Variants in CABIN1 observed in about 807,000 individuals in gnomAD.
CABIN1 encodes calcineurin-binding protein cabin-1.
CABIN1 carries 133 observed loss-of-function variants against 227.7 expected under a neutral mutation model. That is an observed-to-expected ratio of 0.58 (90% CI 0.51 to 0.67). The LOEUF (loss-of-function observed/expected upper bound fraction) is 0.67. CABIN1 is among the 30% of genes least tolerant of loss of function. CABIN1 has a pLI of 0.00. For missense variants in CABIN1, 2,408 were observed against 2,852.5 expected (o/e 0.84, Z 3.55); for synonymous variants, 1,086 against 1,155.1 (o/e 0.94, Z 1.21).
At chr22:24,107,166 C>T (rs1396695662) in intron 26 of CABIN1, among the ~76,000 whole-genome samples, 1 of 152,174 alleles carries the variant, frequency 6.6e-6, no homozygotes, top group African/African-American at 2.4e-5. Context: ...TGTACATAGC[C>T]CCTGCCTCTC....
At chr22:24,132,599 G>GT (rs1442028819) in intron 28 of CABIN1, among the ~76,000 whole-genome samples, 1 of 151,964 alleles carries the variant, frequency 6.6e-6, no homozygotes, top group Non-Finnish European at 1.5e-5. Context: ...TTATTTTTTT[G>GT]TTTTTTGAGA....
intron 26 of CABIN1, among the ~76,000 whole-genome samples, chr22:24,101,145 G>A (rs1216712472): frequency 2.0e-5 from 3 of 152,216 alleles, no homozygotes; most frequent in African/African-American, 7.2e-5. Context: ...CCAGCAGTGG[G>A]AGAGGGAGCC....
At chr22:24,172,690 A>G (rs1321285346) in intron 34 of CABIN1, among the ~76,000 whole-genome samples, 1 of 152,192 alleles carries the variant, frequency 6.6e-6, no homozygotes, top group Non-Finnish European at 1.5e-5. Context: ...GCAGACAGCT[A>G]AGCCACAGAT....
chr22:24,083,106 A>G (rs1411716423), intron 19 of CABIN1, 122 bp from the exon 20 acceptor site: 17 of 991,084 alleles, frequency 1.7e-5, no homozygotes, highest in South Asian at 1.3e-4. Context: ...CAGGAGCCCA[A>G]CAGACATAGC....
Position 24,164,448 on chromosome 22 carries a change from G to T in CABIN1, c.4795G>T (p.Ala1599Ser). 6.2e-7 allele frequency: 1 copy of T among 1,605,740 alleles called. No individual in the cohort carries two copies. The change falls in exon 30 of 37, where the codon GCC becomes TCC. Residue 1599 changes from alanine to serine, a missense_variant. Ala to Ser is a moderately conservative substitution (Grantham distance 99). Coordinates refer to ENST00000263119, the MANE Select transcript of CABIN1 (RefSeq NM_012295.4). ...CGAGATTGACCGGCCGGGCAGCTTT[G>T]CCTGGCACATGAACCGCTCCATCGT... ...VDEIDRPGSF[A>S]WHMNRSIVLL... is the part of the protein sequence containing the mutation.
intron 4 of CABIN1, 60 bp downstream of exon 4, chr22:24,038,521 G>A: frequency 8.5e-7 from 1 of 1,171,978 alleles, no homozygotes; most frequent in East Asian, 2.3e-5. Context: ...CTGTGGGGCT[G>A]GGTACTCTGG....
In CABIN1 at chr22:24,059,327, A is replaced by C; in HGVS notation, c.1363A>C (p.Arg455=). The change falls in exon 11 of 37, where the codon AGG becomes CGG. Residue 455 remains arginine, a synonymous_variant. Transcript: ENST00000263119. ...AAGCTTCCCAAGCATTGGGCCTCAA[A>C]GGCTGTCATTTGACTCAGCCACATT... The part of the protein sequence containing the change: ...LESFPSIGPQ[R]LSFDSATFME... 6.2e-7 allele frequency: 1 copy of C among 1,614,220 alleles called. No individual in the cohort carries two copies. The highest frequency in any genetic ancestry group is 8.5e-7 in the Non-Finnish European group (1 of 1,180,026).
chr22:24,011,975 A>G (rs546161851), intron 1 of CABIN1, among the ~76,000 whole-genome samples: 74 of 152,324 alleles, frequency 4.9e-4, no homozygotes, highest in Non-Finnish European at 6.8e-4. Context: ...ATTACAGGTT[A>G]TAAGTGTGGG....
intron 7 of CABIN1, among the ~76,000 whole-genome samples, chr22:24,049,979 A>G (rs1441597120): frequency 6.6e-6 from 1 of 152,004 alleles, no homozygotes; most frequent in Non-Finnish European, 1.5e-5. Flanking sequence ...AGAGCTGCTC[A>G]CTTACAAACT....
intron 29 of CABIN1, among the ~76,000 whole-genome samples, chr22:24,135,026 G>A (rs551536144): frequency 1.3e-5 from 2 of 152,012 alleles, no homozygotes; most frequent in South Asian, 2.1e-4. Flanking sequence ...GCGGTGAGCC[G>A]AGATCATGCC....
chr22:24,147,016 AGCT>A (rs1033131550), intron 29 of CABIN1, among the ~76,000 whole-genome samples: 1 of 152,206 alleles, frequency 6.6e-6, no homozygotes, highest in African/African-American at 2.4e-5. Context: ...TATCAGAAGC[AGCT>A]GCTATTTTTT....
rs1398299524 is a variant in CABIN1 at position 24,070,834 on chromosome 22, G to GT, written c.2271dup (p.Glu758Ter). 6.2e-7 allele frequency: 1 copy of GT among 1,614,106 alleles called. No homozygotes were observed. The highest frequency in any genetic ancestry group is 8.5e-7 in the Non-Finnish European group (1 of 1,180,042). On this transcript the variant is annotated frameshift_variant, in exon 17 of 37. Transcript: ENST00000263119. LOFTEE classifies it high-confidence loss of function. ...CTCCGGCTGAAGGACTATCGGCAGT[G>GT]TTTTGAGTGTTCCGATGTGGCTCTG...
chr22:24,038,604 C>T (rs1289276156), intron 4 of CABIN1, 143 bp downstream of exon 4: 1 of 685,672 alleles, frequency 1.5e-6, no homozygotes, highest in East Asian at 2.8e-5. Context: ...GCCCCTATTT[C>T]CCCACCTCTA....
chr22:24,094,689 C>T (rs927861374), intron 24 of CABIN1, among the ~76,000 whole-genome samples: 11 of 150,996 alleles, frequency 7.3e-5, no homozygotes, highest in South Asian at 2.1e-4. Flanking sequence ...CGGTGGCGGG[C>T]GCCTGTAGTC....
Position 24,049,206 on chromosome 22 carries a change from A to G in CABIN1, c.642A>G (p.Arg214=). Residue 214 remains arginine, a synonymous_variant, in exon 7 of 37, where the codon AGA becomes AGG. Transcript: ENST00000263119. ...EQPCLRKDSL[R]MFLKCDMSIH... ...CTTGTCTCCGGAAGGACTCTCTCAGAATGTTCCTCAAATGGTAAGTCCTGC... is the reference window on the plus strand; with the variant it reads ...CTTGTCTCCGGAAGGACTCTCTCAGGATGTTCCTCAAATGGTAAGTCCTGC... 2 of 1,613,830 alleles carry G rather than the reference A, an allele frequency of 1.2e-6. No individual in the cohort carries two copies. The highest frequency in any genetic ancestry group is 1.7e-6 in the Non-Finnish European group (2 of 1,179,950).
At chr22:24,131,505 C>T (rs531026013) in intron 28 of CABIN1, among the ~76,000 whole-genome samples, 38 of 152,354 alleles carry the variant, frequency 2.5e-4, no homozygotes, top group African/African-American at 8.2e-4. Flanking sequence ...TTAGCACTTA[C>T]TCCCTGCCTC....
At chr22:24,063,238 G>GTGTT (rs772507099) in intron 14 of CABIN1, 92 bp downstream of exon 14, 6 of 410,380 alleles carry the variant, frequency 1.5e-5, no homozygotes, top group African/African-American at 1.3e-4. Context: ...GTGTGTGTAT[G>GTGTT]TGTGTGTGTG....
At chr22:24,011,912 A>G (rs1274955271) in intron 1 of CABIN1, among the ~76,000 whole-genome samples, 1 of 152,214 alleles carries the variant, frequency 6.6e-6, no homozygotes, top group Non-Finnish European at 1.5e-5. Context: ...GGCATTCCCA[A>G]GGTATCTGCA....
At chr22:24,132,313 G>GT (rs1205499158) in intron 28 of CABIN1, among the ~76,000 whole-genome samples, 3 of 152,140 alleles carry the variant, frequency 2.0e-5, no homozygotes, top group Non-Finnish European at 2.9e-5. Context: ...CTAATCTTTG[G>GT]TTTTATTCCT....
Sources: allele counts gnomAD v4.1 joint callset (sites outside exome capture counted in the v4.1 genomes callset), GRCh38; gene constraint gnomAD v4.1.1; transcripts MANE v1.5; gene names NCBI Gene and HGNC (gene_info 2026-07-23, HGNC 2026-07-21).